Variants in RBFOX1 observed in about 807,000 individuals in gnomAD.
RBFOX1 encodes RNA binding protein fox-1 homolog 1.
RBFOX1 carries 8 observed loss-of-function variants against 57.7 expected under a neutral mutation model. The observed-to-expected ratio is 0.14, with a 90% CI of 0.08 to 0.25. The LOEUF is 0.25. Among genes scored for constraint, RBFOX1 ranks in the 10% least tolerant of loss-of-function variants. The pLI, the probability that RBFOX1 is intolerant of heterozygous loss-of-function variation, is 1.00. For synonymous variants in RBFOX1, 326 were observed against 222.4 expected (o/e 1.47, Z -4.15); for missense variants, 611 against 548.5 (o/e 1.11, Z -1.14).
At chr16:6,531,458 T>A (rs906783195) in intron 2 of RBFOX1, among the ~76,000 whole-genome samples, 11 of 152,220 alleles carry the variant, frequency 7.2e-5, no homozygotes, top group African/African-American at 2.4e-4. Context: ...ATGTCCTGAT[T>A]ATGATTACAT....
chr16:7,123,890 A>G (rs558123704), intron 4 of RBFOX1, among the ~76,000 whole-genome samples: 30 of 152,290 alleles, frequency 2.0e-4, no homozygotes, highest in African/African-American at 6.5e-4. Flanking sequence ...AGAACATGCC[A>G]CAGTCTGCAG....
chr16:6,647,287 A>AGTGACGT (rs2098541717), intron 2 of RBFOX1, among the ~76,000 whole-genome samples: 1 of 152,158 alleles, frequency 6.6e-6, no homozygotes, highest in African/African-American at 2.4e-5. Context: ...TCTGTTGCCC[A>AGTGACGT]GGCTCTAGTG....
Position 5,918,708 on chromosome 16 carries a change from C to T in RBFOX1, c.351+51373C>T, listed in dbSNP as rs140397028. Reference sequence around the variant, plus strand: ...TAACCAAGATGTTACTCCAGAGTTACAAAGTACCCACTAGGACTGTGAATT... The same window carrying T: ...TAACCAAGATGTTACTCCAGAGTTATAAAGTACCCACTAGGACTGTGAATT... On this transcript the variant is annotated intron_variant, in intron 4 of 19. Coordinates refer to the RBFOX1 transcript ENST00000641259. Among the ~76,000 whole-genome samples, 343 of 152,310 alleles carry T rather than the reference C, an allele frequency of 2.3e-3. 3 individuals are homozygous for T. The highest frequency in any genetic ancestry group is 8.0e-3 in the African/African-American group (333 of 41,564).
intron 4 of RBFOX1, among the ~76,000 whole-genome samples, chr16:7,181,780 C>G (rs1305946030): frequency 3.9e-5 from 6 of 152,034 alleles, no homozygotes; most frequent in African/African-American, 1.4e-4. Flanking sequence ...AGGCTGGTCT[C>G]AGACTCCTGA....
At chr16:6,307,831 T>C (rs2079717686) in intron 1 of RBFOX1, among the ~76,000 whole-genome samples, 1 of 147,258 alleles carries the variant, frequency 6.8e-6, no homozygotes, top group African/African-American at 2.4e-5. Context: ...ATGTTATTTA[T>C]ATGTTTATTT....
At chr16:5,941,526 A>T (rs1017714683) in intron 4 of RBFOX1, among the ~76,000 whole-genome samples, 1 of 152,078 alleles carries the variant, frequency 6.6e-6, no homozygotes, top group African/African-American at 2.4e-5. Context: ...CTTGGAAAAT[A>T]TACTAATATT....
At chr16:5,769,456 C>A (rs2053901859) in intron 3 of RBFOX1, among the ~76,000 whole-genome samples, 4 of 144,172 alleles carry the variant, frequency 2.8e-5, no homozygotes, top group South Asian at 4.4e-4. Flanking sequence ...GCCTGGCCAA[C>A]ATGATGAAAG....
intron 3 of RBFOX1, among the ~76,000 whole-genome samples, chr16:6,929,652 G>T (rs747578931): frequency 6.6e-6 from 1 of 152,144 alleles, no homozygotes; most frequent in East Asian, 1.9e-4. Flanking sequence ...GGGATTCTCA[G>T]AGTTATATCC....
chr16:6,573,626 G>A (rs1214174161), intron 2 of RBFOX1: 6 of 152,264 alleles, frequency 3.9e-5, no homozygotes, highest in Admixed American at 3.9e-4. Flanking sequence ...GAAAAACTCT[G>A]GAAAATAAGG....
At chr16:7,518,459 G>T (rs1274481581) in intron 5 of RBFOX1, 70 bp downstream of exon 5, 3 of 1,531,042 alleles carry the variant, frequency 2.0e-6, no homozygotes, top group East Asian at 2.3e-5. Context: ...ATGGCAGCGG[G>T]GGTGCACCCC....
intron 4 of RBFOX1, among the ~76,000 whole-genome samples, chr16:7,078,824 A>G (rs2058706083): frequency 7.2e-6 from 1 of 139,308 alleles, no homozygotes. Flanking sequence ...CTGGGATTAG[A>G]GTAATGTGCC....
chr16:6,643,087 C>G (rs1002555094), intron 2 of RBFOX1, among the ~76,000 whole-genome samples: 4 of 151,980 alleles, frequency 2.6e-5, no homozygotes, highest in African/African-American at 9.7e-5. Context: ...AATGAAATGT[C>G]TCCTCAAATG....
intron 1 of RBFOX1, among the ~76,000 whole-genome samples, chr16:6,068,187 C>T (rs552246464): frequency 1.3e-5 from 2 of 152,136 alleles, no homozygotes; most frequent in African/African-American, 4.8e-5. Flanking sequence ...CCCTTTGGGT[C>T]TGAGATCATA....
intron 4 of RBFOX1, among the ~76,000 whole-genome samples, chr16:7,246,859 T>A (rs976240371): frequency 6.6e-6 from 1 of 152,068 alleles, no homozygotes; most frequent in Non-Finnish European, 1.5e-5. Context: ...AGAGTCAAAG[T>A]TGAACTCCAG....
chr16:6,713,900 T>C (rs936382629), intron 3 of RBFOX1, among the ~76,000 whole-genome samples: 1 of 152,168 alleles, frequency 6.6e-6, no homozygotes, highest in Non-Finnish European at 1.5e-5. Flanking sequence ...GACAGGAAGA[T>C]ATCATCCTTT....
At chr16:5,427,661 TCAGGACA>T (rs764731884) in intron 1 of RBFOX1, among the ~76,000 whole-genome samples, 4 of 151,998 alleles carry the variant, frequency 2.6e-5, no homozygotes, top group Non-Finnish European at 4.4e-5. Flanking sequence ...GGCTGGAGGC[TCAGGACA>T]TAGACAAGGT....
intron 3 of RBFOX1, among the ~76,000 whole-genome samples, chr16:5,812,016 C>T (rs181399303): frequency 5.9e-5 from 9 of 152,246 alleles, no homozygotes; most frequent in East Asian, 3.9e-4. Context: ...CCTTTCTGGA[C>T]GTTTCATGTA....
At chr16:5,438,252 A>T (rs1420472151) in intron 1 of RBFOX1, among the ~76,000 whole-genome samples, 1 of 152,188 alleles carries the variant, frequency 6.6e-6, no homozygotes, top group Non-Finnish European at 1.5e-5. Context: ...ACTCCCATCC[A>T]GTCATCACCT....
At chr16:6,736,915 T>C (rs60046571) in intron 3 of RBFOX1, among the ~76,000 whole-genome samples, 15,430 of 152,162 alleles carry the variant, frequency 0.1, 1,012 homozygotes, top group African/African-American at 0.17. Flanking sequence ...GGAGGAGTGC[T>C]GTGATGGATT....
Sources: gnomAD v4.1 joint callset for allele counts (sites outside exome capture counted in the v4.1 genomes callset) on GRCh38, gnomAD v4.1.1 for gene constraint, MANE v1.5 for transcripts, NCBI Gene and HGNC (gene_info 2026-07-23, HGNC 2026-07-21) for gene names.